The following FRYL variants were observed in gnomAD, a reference collection of about 807,000 sequenced individuals.
FRYL encodes protein furry homolog-like.
FRYL carries 150 observed loss-of-function variants against 351.2 expected under a neutral mutation model. The observed-to-expected ratio is 0.43, with a 90% CI of 0.37 to 0.49. The LOEUF is 0.49. FRYL is among the 20% of genes least tolerant of loss of function. The probability of loss-of-function intolerance (pLI) is 0.00; values close to 1 mark genes in which losing one functional copy is unlikely to be tolerated. For synonymous variants in FRYL, 1,153 were observed against 1,257.1 expected (o/e 0.92, Z 1.75); for missense variants, 3,036 against 3,619.3 (o/e 0.84, Z 4.13).
intron 54 of FRYL, among the ~76,000 whole-genome samples, chr4:48,522,165 T>C (rs1725049266): frequency 6.6e-6 from 1 of 152,146 alleles, no homozygotes; most frequent in African/African-American, 2.4e-5. Flanking sequence ...CCTGTAGTCC[T>C]AGCTGCTTGA....
chr4:48,767,467 A>T (rs1236249335), intron 1 of FRYL, among the ~76,000 whole-genome samples: 1 of 152,208 alleles, frequency 6.6e-6, no homozygotes, highest in Non-Finnish European at 1.5e-5. Context: ...CACACACAAC[A>T]GAATATTATT....
At position 48,500,238 on chromosome 4, in the gene FRYL, T is replaced by C. The variant is rs756189820; in HGVS notation, c.8593-18A>G. The C allele has an allele frequency of 2.0e-6, 3 of 1,510,542 alleles. No individual in the cohort carries two copies. Among genetic ancestry groups the C allele is most frequent in the Non-Finnish European group, 2.7e-6 (3 of 1,123,340 alleles). The allele number at this position is 1,510,542 out of a possible 1,614,324, so 93.6% of individuals were successfully genotyped here. On this transcript the variant is annotated intron_variant, in intron 62 of 63. Coordinates refer to ENST00000358350, the MANE Select transcript of FRYL (RefSeq NM_015030.2). ...TTGATGACCTAAAACAAATACATCT[T>C]TAAGGATCTATTCGTATGTTTGGTA...
intron 4 of FRYL, among the ~76,000 whole-genome samples, chr4:48,626,159 A>G (rs912672952): frequency 8.5e-5 from 13 of 152,138 alleles, no homozygotes; most frequent in Non-Finnish European, 1.8e-4. Flanking sequence ...AAATAACAAT[A>G]TACCTCAACA....
chr4:48,700,721 G>C (rs920001975), intron 2 of FRYL, among the ~76,000 whole-genome samples: 1 of 151,832 alleles, frequency 6.6e-6, no homozygotes, highest in Non-Finnish European at 1.5e-5. Flanking sequence ...AGGATCGCTT[G>C]AGCCCAGGAG....
chr4:48,558,398 A>G (rs1298660115), intron 33 of FRYL, among the ~76,000 whole-genome samples: 1 of 152,216 alleles, frequency 6.6e-6, no homozygotes, highest in Non-Finnish European at 1.5e-5. Flanking sequence ...AATCCATAGA[A>G]ACACAAAGTA....
At chr4:48,660,523 G>A (rs1429704697) in intron 3 of FRYL, among the ~76,000 whole-genome samples, 1 of 152,166 alleles carries the variant, frequency 6.6e-6, no homozygotes, top group African/African-American at 2.4e-5. Context: ...GTAAGGGGGT[G>A]CCCACATGAA....
chr4:48,535,105 T>C (rs1164410194), intron 48 of FRYL, among the ~76,000 whole-genome samples: 1 of 152,198 alleles, frequency 6.6e-6, no homozygotes, highest in Non-Finnish European at 1.5e-5. Context: ...GGCTACTTTA[T>C]CATCCATTTT....
intron 3 of FRYL, among the ~76,000 whole-genome samples, chr4:48,678,416 G>A (rs1379390686): frequency 6.8e-6 from 1 of 147,716 alleles, no homozygotes; most frequent in Non-Finnish European, 1.5e-5. Flanking sequence ...GACTGAGGCA[G>A]GAGAATCGCT....
intron 44 of FRYL, among the ~76,000 whole-genome samples, chr4:48,543,289 G>T (rs1730636926): frequency 6.6e-6 from 1 of 152,026 alleles, no homozygotes; most frequent in African/African-American, 2.4e-5. Flanking sequence ...TTATCAGTAG[G>T]ATAAATTATG....
intron 3 of FRYL, among the ~76,000 whole-genome samples, chr4:48,671,535 C>A (rs556904195): frequency 6.6e-6 from 1 of 151,946 alleles, no homozygotes; most frequent in Non-Finnish European, 1.5e-5. Context: ...GGTGTGATAG[C>A]GCATGCCTGT....
At chr4:48,576,254 T>C (rs1312566663) in intron 23 of FRYL, 32 bp from the exon 24 acceptor site, 20 of 1,476,436 alleles carry the variant, frequency 1.4e-5, no homozygotes, top group African/African-American at 2.9e-5. Flanking sequence ...TAGGCAGATA[T>C]GAATAACACA....
At chr4:48,598,012 T>C (rs1744950474) in intron 13 of FRYL, among the ~76,000 whole-genome samples, 2 of 152,234 alleles carry the variant, frequency 1.3e-5, no homozygotes, top group African/African-American at 4.8e-5. Flanking sequence ...AAAATTTTGG[T>C]ATGTCAGTCA....
rs964746985 is a variant in FRYL at position 48,589,014 on chromosome 4, C to G, written c.1640+731G>C. ...CAAAAAACTTCACATTAAAGAAACT[C>G]TCAGAGATATTAGCATATAGTAGTA... On this transcript the variant is annotated intron_variant, in intron 18 of 63. Transcript: ENST00000358350. Among the ~76,000 whole-genome samples the G allele has an allele frequency of 1.3e-4, 20 of 152,140 alleles. 1 individual carries two copies. The highest frequency in any genetic ancestry group is 1.1e-3 in the Admixed American group (17 of 15,278).
At chr4:48,586,177 T>G (rs935118486) in intron 19 of FRYL, among the ~76,000 whole-genome samples, 2 of 152,040 alleles carry the variant, frequency 1.3e-5, no homozygotes, top group Non-Finnish European at 2.9e-5. Context: ...AGAGAAAAAC[T>G]TAAATGCCAC....
intron 3 of FRYL, among the ~76,000 whole-genome samples, chr4:48,643,625 A>G (rs1434807289): frequency 6.6e-6 from 1 of 152,244 alleles, no homozygotes; most frequent in Admixed American, 6.5e-5. Context: ...CCTGGAGATG[A>G]TAAGTAAATG....
At chr4:48,543,265 T>A (rs960759493) in intron 44 of FRYL, among the ~76,000 whole-genome samples, 1 of 152,220 alleles carries the variant, frequency 6.6e-6, no homozygotes, top group Non-Finnish European at 1.5e-5. Context: ...TATTATCTTA[T>A]TATATTCACA....
intron 12 of FRYL, 99 bp downstream of exon 12, chr4:48,603,191 T>A (rs1253586289): frequency 1.1e-6 from 1 of 876,176 alleles, no homozygotes; most frequent in Admixed American, 2.5e-5. Flanking sequence ...GATTTTACAA[T>A]TTCAGATTTT....
intron 23 of FRYL, among the ~76,000 whole-genome samples, chr4:48,577,678 A>G (rs1174319661): frequency 6.6e-6 from 1 of 152,132 alleles, no homozygotes; most frequent in East Asian, 1.9e-4. Context: ...TAAGGTCATA[A>G]ATGGTATGCA....
In FRYL at chr4:48,623,153, C is replaced by T. The variant is rs1020519507; in HGVS notation, c.147G>A (p.Gln49=). 17 of 1,568,606 alleles carry T rather than the reference C, an allele frequency of 1.1e-5. No homozygotes were observed. The Admixed American group carries it at 1.7e-4, about 16-fold the overall frequency. ...GATCAAACTGAAGATCTTCACCCCT[C>T]TGAAGAGATCTGGACAATAGCTTCT... ...PLEKLLSRSL[Q]RGEDLQFDQL... is the part of the protein sequence containing the mutation. The change falls in exon 5 of 64, where the codon CAG becomes CAA. Residue 49 remains glutamine, a synonymous_variant. Transcript: ENST00000358350.
Sources: gnomAD v4.1 joint callset for allele counts (sites outside exome capture counted in the v4.1 genomes callset) on GRCh38, gnomAD v4.1.1 for gene constraint, MANE v1.5 for transcripts, NCBI Gene and HGNC (gene_info 2026-07-23, HGNC 2026-07-21) for gene names.